NCEH1: variants seen among roughly 807,000 people sequenced by gnomAD.
The protein encoded by NCEH1 is neutral cholesterol ester hydrolase 1.
A neutral mutation model predicts 25.4 loss-of-function variants in NCEH1; 9 were observed. That is an observed-to-expected ratio of 0.35 (90% CI 0.21 to 0.62). NCEH1 has a LOEUF of 0.62. Among genes scored for constraint, NCEH1 ranks in the 20% least tolerant of loss-of-function variants. NCEH1 has a pLI of 0.72. For synonymous variants in NCEH1, 200 were observed against 199.8 expected (o/e 1.00, Z -0.01); for missense variants, 412 against 501.1 (o/e 0.82, Z 1.70).
intron 1 of NCEH1, among the ~76,000 whole-genome samples, chr3:172,673,312 G>A (rs192406645): frequency 2.0e-5 from 3 of 152,116 alleles, no homozygotes; most frequent in Admixed American, 6.5e-5. Flanking sequence ...CACATAATGT[G>A]GCAGGATCAC....
intron 1 of NCEH1, among the ~76,000 whole-genome samples, chr3:172,698,800 A>T (rs1345696833): frequency 1.3e-5 from 2 of 152,278 alleles, no homozygotes; most frequent in East Asian, 3.8e-4. Context: ...GTTGTGAAGG[A>T]CAACACAAAA....
rs1486300487 is a variant in NCEH1 at position 172,633,626 on chromosome 3, T to C, written c.1076A>G (p.Lys359Arg). The C allele has an allele frequency of 1.2e-6, 2 of 1,614,052 alleles. No individual in the cohort carries two copies. The highest frequency in any genetic ancestry group is 1.7e-6 in the Non-Finnish European group (2 of 1,180,032). ...VLRDDGIMYA[K>R]RLESAGVEVT... ...CTCCACACCGGCACTCTCCAAACGC[T>C]TGGCATACATGATGCCATCGTCTCT... Residue 359 changes from lysine (K) to arginine (R), a missense_variant, in exon 5 of 5, where the codon AAG becomes AGG. This residue lies in a region of NCEH1 where 210 missense variants were observed against 258.2 expected (regional missense o/e 0.81). Coordinates refer to ENST00000475381, the MANE Select transcript of NCEH1 (RefSeq NM_020792.6).
intron 1 of NCEH1, among the ~76,000 whole-genome samples, chr3:172,701,399 T>C (rs1037682202): frequency 6.6e-6 from 1 of 151,462 alleles, no homozygotes; most frequent in Non-Finnish European, 1.5e-5. Context: ...AGTCCCACTT[T>C]GTTAGTTCAT....
At chr3:172,683,598 G>C (rs1021281716) in intron 1 of NCEH1, among the ~76,000 whole-genome samples, 1 of 138,686 alleles carries the variant, frequency 7.2e-6, no homozygotes, top group Admixed American at 6.8e-5. Context: ...AGGATTGCTT[G>C]AGACTGGAGG....
rs546337064 is a variant in NCEH1, at chr3:172,647,619, A to C, written c.367+267T>G. ...AGATCATAGGAAATATTTTTACAAC[A>C]GTCTACCTGAATTGACAAACAAACT... On this transcript the variant is annotated intron_variant, in intron 2 of 4. Coordinates refer to ENST00000475381, the MANE Select transcript of NCEH1 (RefSeq NM_020792.6). Among the ~76,000 whole-genome samples, 154 of 152,372 alleles carry C rather than the reference A, an allele frequency of 1.0e-3. 1 individual carries two copies. The Middle Eastern group carries it at 0.01, about 10-fold the overall frequency.
At chr3:172,642,401 C>T (rs1716893437) in intron 3 of NCEH1, among the ~76,000 whole-genome samples, 1 of 151,690 alleles carries the variant, frequency 6.6e-6, no homozygotes. Context: ...GTTTTGAACT[C>T]CTGGACTCAA....
At chr3:172,664,462 A>G (rs890136007) in intron 1 of NCEH1, among the ~76,000 whole-genome samples, 4 of 152,238 alleles carry the variant, frequency 2.6e-5, no homozygotes, top group Non-Finnish European at 5.9e-5. Context: ...CACGAGGAGT[A>G]TCTTTGTGGC....
rs1337959766 is a variant in NCEH1 at position 172,633,666 on chromosome 3, C to T, written c.1036G>A (p.Glu346Lys). 1.2e-6 allele frequency: 2 copies of T among 1,614,168 alleles called. No homozygotes were observed. The highest frequency in any genetic ancestry group is 1.7e-6 in the Non-Finnish European group (2 of 1,180,014). Residue 346 changes from glutamate (E) to lysine (K), a missense_variant, in exon 5 of 5, where the codon GAG (glutamate) becomes AAG (lysine). Glu to Lys is a moderately conservative substitution (Grantham distance 56). Coordinates refer to ENST00000475381, the MANE Select transcript of NCEH1 (RefSeq NM_020792.6). ...LLPKTYILTCEHDVLRDDGIM... is the reference protein window; with the variant it reads ...LLPKTYILTCKHDVLRDDGIM... ...CCATCGTCTCTGAGGACATCATGCT[C>T]ACACGTCAGAATGTAGGTCTTTGGG...
At chr3:172,655,952 C>T (rs776655242) in intron 1 of NCEH1, among the ~76,000 whole-genome samples, 1 of 152,008 alleles carries the variant, frequency 6.6e-6, no homozygotes, top group Non-Finnish European at 1.5e-5. Flanking sequence ...AGGGACAAAT[C>T]GTTAGTGTGG....
intron 4 of NCEH1, among the ~76,000 whole-genome samples, chr3:172,635,709 C>T (rs867371428): frequency 2.0e-4 from 30 of 152,142 alleles, no homozygotes; most frequent in African/African-American, 6.8e-4. Flanking sequence ...TACAAAGACT[C>T]ATAGGTGATA....
intron 1 of NCEH1, among the ~76,000 whole-genome samples, chr3:172,654,732 G>T (rs1396424180): frequency 2.0e-5 from 3 of 152,176 alleles, no homozygotes; most frequent in African/African-American, 7.2e-5. Context: ...TTAAAGCATC[G>T]ATTCTAACTC....
intron 1 of NCEH1, among the ~76,000 whole-genome samples, chr3:172,692,895 G>T (rs1377585697): frequency 1.3e-5 from 2 of 152,172 alleles, no homozygotes; most frequent in Non-Finnish European, 2.9e-5. Context: ...GTAGCTTCCT[G>T]TGTCTGCCAT....
chr3:172,684,408 AG>A lies in NCEH1; in HGVS notation c.138+26438del, dbSNP rs1712579085. Among the ~76,000 whole-genome samples, 4 of 152,228 alleles carry A rather than the reference AG, an allele frequency of 2.6e-5. No individual in the cohort carries two copies. The South Asian group carries it at 8.3e-4, about 32-fold the overall frequency. On this transcript the variant is annotated intron_variant, in intron 1 of 4. Coordinates refer to ENST00000475381, the MANE Select transcript of NCEH1 (RefSeq NM_020792.6). The stretch of plus-strand genomic sequence containing the variant: ...AATACCCAAGAAGAAAACCTAACCT[AG>A]AAAATGGCACAAGACTGCAAACAAA...
intron 3 of NCEH1, among the ~76,000 whole-genome samples, chr3:172,640,966 C>T (rs903657974): frequency 5.3e-5 from 8 of 152,068 alleles, no homozygotes; most frequent in African/African-American, 1.7e-4. Flanking sequence ...TGCATCCCAC[C>T]CAGAAGCTTC....
intron 1 of NCEH1, among the ~76,000 whole-genome samples, chr3:172,695,545 A>G (rs1713306942): frequency 6.6e-6 from 1 of 152,108 alleles, no homozygotes. Flanking sequence ...TATTTAATTA[A>G]CCTCTTTGTG....
intron 1 of NCEH1, among the ~76,000 whole-genome samples, chr3:172,709,705 G>C (rs531441050): frequency 6.6e-6 from 1 of 152,342 alleles, no homozygotes; most frequent in East Asian, 1.9e-4. Context: ...CACATAATGA[G>C]TGGACAGGGA....
In NCEH1 at chr3:172,636,044, C is replaced by A; in HGVS notation, c.481G>T (p.Asp161Tyr). Reference sequence around the variant, plus strand: ...AAATACTTTGTGGCCCGTACAACATCATGAATTTGCTCAGGAAAATAAACC... The same window carrying A: ...AAATACTTTGTGGCCCGTACAACATAATGAATTTGCTCAGGAAAATAAACC... ...PKVYFPEQIH[D>Y]VVRATKYFLK... The change falls in exon 4 of 5, where the codon GAT (aspartate) becomes TAT (tyrosine). Residue 161 changes from aspartate to tyrosine, a missense_variant. This residue lies in a region of NCEH1 where 24 missense variants were observed against 53.8 expected (regional missense o/e 0.45). Coordinates refer to ENST00000475381, the MANE Select transcript of NCEH1 (RefSeq NM_020792.6). The A allele has an allele frequency of 6.2e-7, 1 of 1,614,054 alleles. No individual in the cohort carries two copies. The highest frequency in any genetic ancestry group is 2.2e-5 in the East Asian group (1 of 44,884).
intron 1 of NCEH1, among the ~76,000 whole-genome samples, chr3:172,701,591 A>G (rs1379969993): frequency 2.7e-5 from 4 of 148,318 alleles, no homozygotes; most frequent in African/African-American, 1.0e-4. Flanking sequence ...CTGGGACTAC[A>G]GACGCGTGCC....
intron 3 of NCEH1, among the ~76,000 whole-genome samples, chr3:172,642,439 G>GT (rs1336832902): frequency 6.6e-6 from 1 of 151,718 alleles, no homozygotes; most frequent in Admixed American, 6.6e-5. Context: ...GCCTCCCAAC[G>GT]TGTTGGGATT....
Sources: gnomAD v4.1 joint callset for allele counts (sites outside exome capture counted in the v4.1 genomes callset) on GRCh38, gnomAD v4.1.1 for gene constraint, gnomAD v4.1.1 regional missense constraint, MANE v1.5 for transcripts, NCBI Gene and HGNC (gene_info 2026-07-23, HGNC 2026-07-21) for gene names.